Variants in SMOC2 observed in about 807,000 individuals in gnomAD.
The protein encoded by SMOC2 is SPARC-related modular calcium-binding protein 2.
In SMOC2, 39 loss-of-function variants were observed where a neutral mutation model predicts 61.4. The observed-to-expected ratio is 0.64, with a 90% CI of 0.49 to 0.83. SMOC2 has a LOEUF of 0.83. Ranked by LOEUF, SMOC2 falls within the 40% of genes least tolerant of loss-of-function variation. The pLI, the probability that SMOC2 is intolerant of heterozygous loss-of-function variation, is 0.00. For missense variants in SMOC2, 556 were observed against 592.9 expected, an observed-to-expected ratio of 0.94 and a Z score of 0.65; for synonymous variants, 247 against 239.9, an observed-to-expected ratio of 1.03 and a Z score of -0.27.
At chr6:168,506,058 G>T (rs1254708058) in intron 1 of SMOC2, among the ~76,000 whole-genome samples, 1 of 151,332 alleles carries the variant, frequency 6.6e-6, no homozygotes, top group Admixed American at 6.6e-5. Context: ...AGGCTGAAGT[G>T]CCCTGGTGCG....
intron 1 of SMOC2, among the ~76,000 whole-genome samples, chr6:168,477,692 G>GTT (rs1263737339): frequency 5.3e-5 from 8 of 152,270 alleles, no homozygotes; most frequent in African/African-American, 1.9e-4. Context: ...TGGTGTGTGT[G>GTT]TGTTGGGGCG....
intron 7 of SMOC2, among the ~76,000 whole-genome samples, chr6:168,581,484 C>T (rs1784916846): frequency 6.6e-6 from 1 of 152,278 alleles, no homozygotes. Flanking sequence ...AAGCCCCGGA[C>T]GGGTCTGACA....
chr6:168,480,614 A>G (rs1782184513), intron 1 of SMOC2, among the ~76,000 whole-genome samples: 1 of 152,166 alleles, frequency 6.6e-6, no homozygotes, highest in Non-Finnish European at 1.5e-5. Flanking sequence ...AAAAGAGACT[A>G]AGGGACCTGT....
Position 168,614,084 on chromosome 6 carries a change from A to AGG in SMOC2, c.907+5847_907+5848dup, listed in dbSNP as rs1554250588. Among the ~76,000 whole-genome samples the AGG allele has an allele frequency of 4.2e-5, 4 of 95,350 alleles. 1 individual carries two copies. Among genetic ancestry groups the AGG allele is most frequent in the Non-Finnish European group, 6.1e-5 (3 of 48,790 alleles). 62.6% of individuals were successfully genotyped at this position (95,350 alleles called of 152,430 possible). ...GCCTCTTCACACCTACAGCCAGCAC[A>AGG]GGGCCTCTTCATACCTACAGCCAGC... On this transcript the variant is annotated intron_variant, in intron 9 of 12. Transcript: ENST00000356284.
chr6:168,546,653 C>T (rs1784010677), intron 5 of SMOC2, among the ~76,000 whole-genome samples: 1 of 152,104 alleles, frequency 6.6e-6, no homozygotes, highest in South Asian at 2.1e-4. Context: ...GATTCTCCAA[C>T]CCTTGCCTTT....
At chr6:168,581,426 C>T (rs1784914908) in intron 7 of SMOC2, among the ~76,000 whole-genome samples, 1 of 152,242 alleles carries the variant, frequency 6.6e-6, no homozygotes, top group South Asian at 2.1e-4. Context: ...TCGCCCAGAC[C>T]TGCTGGCCAG....
chr6:168,644,087 C>T (rs1320027114), intron 9 of SMOC2, among the ~76,000 whole-genome samples: 9 of 152,214 alleles, frequency 5.9e-5, no homozygotes, highest in East Asian at 3.9e-4. Flanking sequence ...TGGTCTGTTT[C>T]GGCTGGGGAT....
chr6:168,539,514 C>A (rs989742514), intron 4 of SMOC2, among the ~76,000 whole-genome samples: 3 of 152,236 alleles, frequency 2.0e-5, no homozygotes, highest in African/African-American at 7.2e-5. Context: ...CCAGAGCCCA[C>A]AAGCCTCACA....
rs1781227501 is a variant in SMOC2, at chr6:168,442,196, C to A, written c.84+742C>A. Among the ~76,000 whole-genome samples, 3 of 152,290 alleles carry A rather than the reference C, an allele frequency of 2.0e-5. No homozygotes were observed. In the South Asian group the frequency reaches 6.2e-4, roughly 31 times the overall value. On this transcript the variant is annotated intron_variant, in intron 1 of 12. Transcript: ENST00000356284. ...ACTGGAGGCAGGCGGCGGCTCCCCG[C>A]TCTGCGGGGCCTCTGGGTTCTTCCT...
intron 2 of SMOC2, among the ~76,000 whole-genome samples, chr6:168,519,059 A>ATG (rs879262885): frequency 2.3e-5 from 3 of 133,002 alleles, no homozygotes; most frequent in Admixed American, 7.5e-5. Context: ...GAGCATGCAT[A>ATG]TGTGTGTGAG....
intron 11 of SMOC2, 90 bp downstream of exon 11, chr6:168,653,318 T>A: frequency 2.0e-6 from 3 of 1,479,524 alleles, no homozygotes; most frequent in South Asian, 1.3e-5. Flanking sequence ...ACAGATTGTG[T>A]TTATGGCCTG....
chr6:168,531,506 T>G (rs985298033), intron 4 of SMOC2, among the ~76,000 whole-genome samples: 1 of 151,918 alleles, frequency 6.6e-6, no homozygotes, highest in African/African-American at 2.4e-5. Flanking sequence ...AAGGAGAAGA[T>G]AGGAAAAGAC....
At chr6:168,461,408 ACT>A (rs1296095992) in intron 1 of SMOC2, among the ~76,000 whole-genome samples, 1 of 152,196 alleles carries the variant, frequency 6.6e-6, no homozygotes, top group African/African-American at 2.4e-5. Context: ...TGTTGGGTAC[ACT>A]CTGAATTGCA....
At position 168,441,376 on chromosome 6, in the gene SMOC2, G is replaced by A. The variant is rs1781201397; in HGVS notation, c.6G>A (p.Leu2=). 1 of 1,505,584 alleles carries A rather than the reference G, an allele frequency of 6.6e-7. No homozygotes were observed. The highest frequency in any genetic ancestry group is 8.8e-7 in the Non-Finnish European group (1 of 1,132,864). 93.3% of individuals were successfully genotyped at this position (1,505,584 alleles called of 1,614,324 possible). A position where few individuals can be genotyped will look rare whatever the true frequency, so the allele number is the denominator to read the frequency against. The change falls in exon 1 of 13, where the codon CTG becomes CTA. Residue 2 remains leucine, a synonymous_variant. Transcript: ENST00000356284. ...CTCCCGCCACCTCCGCCACCATGCT[G>A]CTCCCCCAGCTCTGCTGGCTGCCGC... The part of the protein sequence containing the change: M[L]LPQLCWLPLL...
intron 5 of SMOC2, among the ~76,000 whole-genome samples, chr6:168,545,524 C>A (rs956318301): frequency 1.6e-4 from 24 of 152,360 alleles, no homozygotes; most frequent in African/African-American, 5.8e-4. Context: ...GCCACCCCGT[C>A]TGTGAGGGAC....
intron 9 of SMOC2, among the ~76,000 whole-genome samples, chr6:168,626,439 C>T (rs1004015145): frequency 1.4e-4 from 21 of 152,200 alleles, no homozygotes; most frequent in African/African-American, 5.1e-4. Flanking sequence ...GAGACAGCTG[C>T]ATTTTTCTCT....
At chr6:168,496,034 A>G (rs571068947) in intron 1 of SMOC2, among the ~76,000 whole-genome samples, 1 of 151,816 alleles carries the variant, frequency 6.6e-6, no homozygotes, top group East Asian at 1.9e-4. Context: ...AATCCTCTGT[A>G]CTCCCTCCAC....
chr6:168,528,320 GAAAATAATC>G (rs1783504574), intron 4 of SMOC2, among the ~76,000 whole-genome samples: 1 of 99,796 alleles, frequency 1.0e-5, no homozygotes. Flanking sequence ...ATTTTTATTT[GAAAATAATC>G]TGCAGCCCAA....
rs34341178 is a variant in SMOC2 at position 168,652,041 on chromosome 6, CAA to C, written c.1011-896_1011-895del. On this transcript the variant is annotated intron_variant, in intron 10 of 12. Coordinates refer to ENST00000356284, the MANE Select transcript of SMOC2 (RefSeq NM_001166412.2). ...GGACAACAAGAGCAAAACTCTGTCT[CAA>C]AAAAAAAAAAAAAAAATTTTAATAG... Among the ~76,000 whole-genome samples, 222 of 129,024 alleles carry C rather than the reference CAA, an allele frequency of 1.7e-3. 1 individual carries two copies. Among genetic ancestry groups the C allele is most frequent in the Non-Finnish European group, 2.2e-3 (141 of 62,756 alleles). The allele number at this position is 129,024 out of a possible 152,430, so 84.6% of individuals were successfully genotyped here.
Sources: gnomAD v4.1 joint callset for allele counts (sites outside exome capture counted in the v4.1 genomes callset) on GRCh38, gnomAD v4.1.1 for gene constraint, MANE v1.5 for transcripts, NCBI Gene and HGNC (gene_info 2026-07-23, HGNC 2026-07-21) for gene names.